The following HPSE2 variants were observed in gnomAD, a reference collection of about 807,000 sequenced individuals.
The protein encoded by HPSE2 is inactive heparanase-2.
A neutral mutation model predicts 60.5 loss-of-function variants in HPSE2; 38 were observed. The observed-to-expected ratio is 0.63, with a 90% CI of 0.48 to 0.82. HPSE2 has a LOEUF of 0.82. Among genes scored for constraint, HPSE2 ranks in the 40% least tolerant of loss-of-function variants. The probability of loss-of-function intolerance (pLI) is 0.00; values close to 1 mark genes in which losing one functional copy is unlikely to be tolerated. For synonymous variants in HPSE2, 295 were observed against 293.2 expected (o/e 1.01, Z -0.06); for missense variants, 713 against 740.4 (o/e 0.96, Z 0.43).
At chr10:98,482,220 A>C (rs1362016956) in intron 11 of HPSE2, among the ~76,000 whole-genome samples, 1 of 152,172 alleles carries the variant, frequency 6.6e-6, no homozygotes, top group Non-Finnish European at 1.5e-5. Context: ...CAAGGGAGTC[A>C]GCATTACAGA....
At chr10:99,127,037 C>A (rs1845190735) in intron 3 of HPSE2, among the ~76,000 whole-genome samples, 1 of 152,042 alleles carries the variant, frequency 6.6e-6, no homozygotes, top group African/African-American at 2.4e-5. Flanking sequence ...CATAGTCTAC[C>A]CAAATGAGAA....
At chr10:98,720,620 A>G (rs1176210550) in intron 5 of HPSE2, among the ~76,000 whole-genome samples, 2 of 152,208 alleles carry the variant, frequency 1.3e-5, no homozygotes, top group African/African-American at 2.4e-5. Flanking sequence ...ACTTTTTGGA[A>G]TATAGCCCAA....
chr10:98,605,934 G>C (rs1945570088), intron 9 of HPSE2, among the ~76,000 whole-genome samples: 1 of 152,172 alleles, frequency 6.6e-6, no homozygotes, highest in African/African-American at 2.4e-5. Context: ...CTCTCTAATG[G>C]CTGCCTCTTC....
rs1314042514 is a variant in HPSE2 at position 98,933,543 on chromosome 10, G to A, written c.611-189487C>T. The stretch of plus-strand genomic sequence containing the variant: ...CTGTCTCAATGATCTGTCTAACACT[G>A]CCAGTGGGGTATTAAAGTCTCTGAC... On this transcript the variant is annotated intron_variant, in intron 3 of 11. Transcript: ENST00000370552. Among the ~76,000 whole-genome samples the A allele has an allele frequency of 1.4e-5, 2 of 143,470 alleles. 1 individual carries two copies. The allele number at this position is 143,470 out of a possible 152,430, so 94.1% of individuals were successfully genotyped here.
At chr10:99,308,446 T>A in the HPSE2 span, among the ~76,000 whole-genome samples, 1 of 145,510 alleles carries the variant, frequency 6.9e-6, no homozygotes, top group Non-Finnish European at 1.5e-5. Flanking sequence ...AACTGTGGCA[T>A]ATCCATACAA....
At chr10:98,947,274 C>T (rs1365886552) in intron 3 of HPSE2, among the ~76,000 whole-genome samples, 1 of 152,112 alleles carries the variant, frequency 6.6e-6, no homozygotes, top group African/African-American at 2.4e-5. Flanking sequence ...ATTGAAAATG[C>T]AGCTTTTATG....
intron 6 of HPSE2, among the ~76,000 whole-genome samples, chr10:98,665,338 G>A (rs1947334281): frequency 6.6e-6 from 1 of 152,126 alleles, no homozygotes; most frequent in African/African-American, 2.4e-5. Flanking sequence ...GAAGATAAGA[G>A]AGTAAGCAAC....
intron 8 of HPSE2, among the ~76,000 whole-genome samples, chr10:98,618,404 C>G (rs1945978284): frequency 6.6e-6 from 1 of 152,158 alleles, no homozygotes; most frequent in African/African-American, 2.4e-5. Context: ...CAAAACCACT[C>G]AGTACAACTG....
At chr10:98,860,411 G>A (rs1400165240) in intron 3 of HPSE2, among the ~76,000 whole-genome samples, 1 of 152,226 alleles carries the variant, frequency 6.6e-6, no homozygotes, top group African/African-American at 2.4e-5. Flanking sequence ...ATGCTGTTCA[G>A]TCAGTTTGGA....
intron 2 of HPSE2, among the ~76,000 whole-genome samples, chr10:99,211,601 G>T (rs545272781): frequency 1.4e-4 from 22 of 152,128 alleles, no homozygotes; most frequent in African/African-American, 5.3e-4. Context: ...CCAAGAACAG[G>T]CAATAGGGAA....
At chr10:98,623,183 T>C (rs1554956293) in intron 7 of HPSE2, among the ~76,000 whole-genome samples, 1 of 152,170 alleles carries the variant, frequency 6.6e-6, no homozygotes, top group South Asian at 2.1e-4. Context: ...TAAATGAACC[T>C]TGAAAACATT....
At chr10:98,834,814 T>C (rs1294676524) in intron 3 of HPSE2, among the ~76,000 whole-genome samples, 1 of 151,904 alleles carries the variant, frequency 6.6e-6, no homozygotes, top group Non-Finnish European at 1.5e-5. Flanking sequence ...TGTCTTCTAT[T>C]AGGCCAGGCT....
At chr10:98,752,791 A>T (rs1949788867) in intron 3 of HPSE2, among the ~76,000 whole-genome samples, 1 of 152,202 alleles carries the variant, frequency 6.6e-6, no homozygotes, top group Non-Finnish European at 1.5e-5. Context: ...GAATCAGCCT[A>T]AGTGTCCATC....
At position 98,815,660 on chromosome 10, in the gene HPSE2, C is replaced by T. The variant is rs76591663; in HGVS notation, c.611-71604G>A. The stretch of plus-strand genomic sequence containing the variant: ...AAGACAGAAACAAGCTTCAAGTCAG[C>T]GGGGTTCCAACTAGGATTGAGATAA... On this transcript the variant is annotated intron_variant, in intron 3 of 11. Coordinates refer to ENST00000370552, the MANE Select transcript of HPSE2 (RefSeq NM_021828.5). 1.3e-3 allele frequency among the ~76,000 whole-genome samples: 195 copies of T among 152,194 alleles called. 2 individuals are homozygous for T. The East Asian group carries it at 0.029, about 23-fold the overall frequency.
chr10:98,899,862 C>A (rs564038721), intron 3 of HPSE2, among the ~76,000 whole-genome samples: 82 of 150,046 alleles, frequency 5.5e-4, no homozygotes, highest in Non-Finnish European at 9.0e-4. Flanking sequence ...TGGCTCACTG[C>A]AACTTCTGCC....
intron 2 of HPSE2, among the ~76,000 whole-genome samples, chr10:99,163,731 T>C (rs1846942462): frequency 6.6e-6 from 1 of 152,126 alleles, no homozygotes; most frequent in African/African-American, 2.4e-5. Flanking sequence ...CTTAGTCTTC[T>C]CTGAACTGTG....
At chr10:99,121,339 G>C (rs547839915) in intron 3 of HPSE2, among the ~76,000 whole-genome samples, 1 of 152,034 alleles carries the variant, frequency 6.6e-6, no homozygotes, top group South Asian at 2.1e-4. Context: ...ATAACTAATG[G>C]GTACTAGGTT....
At chr10:98,754,466 C>T (rs1949832690) in intron 3 of HPSE2, among the ~76,000 whole-genome samples, 1 of 151,944 alleles carries the variant, frequency 6.6e-6, no homozygotes, top group African/African-American at 2.4e-5. Context: ...AATTCCCCAA[C>T]CTCACTATAG....
intron 9 of HPSE2, among the ~76,000 whole-genome samples, chr10:98,606,537 G>C (rs1483873267): frequency 6.6e-6 from 1 of 152,210 alleles, no homozygotes; most frequent in Non-Finnish European, 1.5e-5. Flanking sequence ...AACAAGACGA[G>C]GGTGAATTTT....
Sources: gnomAD v4.1 joint callset for allele counts (sites outside exome capture counted in the v4.1 genomes callset) on GRCh38, gnomAD v4.1.1 for gene constraint, MANE v1.5 for transcripts, NCBI Gene and HGNC (gene_info 2026-07-23, HGNC 2026-07-21) for gene names.